The following CAMTA1 variants were observed in gnomAD, a reference collection of about 807,000 sequenced individuals.
The protein encoded by CAMTA1 is calmodulin-binding transcription activator 1.
CAMTA1 carries 27 observed loss-of-function variants against 170.9 expected under a neutral mutation model. The ratio of observed to expected loss-of-function variants is 0.16; its 90% confidence interval spans 0.12 to 0.22. The LOEUF (loss-of-function observed/expected upper bound fraction) is 0.22, where lower values mean the gene tolerates loss of function less well. Ranked by LOEUF, CAMTA1 falls within the 10% of genes least tolerant of loss-of-function variation. CAMTA1 has a pLI of 1.00. For synonymous variants in CAMTA1, 833 were observed against 891.5 expected (o/e 0.93, Z 1.17); for missense variants, 1,619 against 2,217.2 (o/e 0.73, Z 5.42).
intron 5 of CAMTA1, among the ~76,000 whole-genome samples, chr1:7,331,274 C>T (rs2083017590): frequency 6.6e-6 from 1 of 152,116 alleles, no homozygotes; most frequent in South Asian, 2.1e-4. Flanking sequence ...AGTGAGGTCC[C>T]CCATGCCAGA....
intron 11 of CAMTA1, among the ~76,000 whole-genome samples, chr1:7,716,665 C>G (rs2096612197): frequency 6.6e-6 from 1 of 152,072 alleles, no homozygotes; most frequent in African/African-American, 2.4e-5. Context: ...AGATGGTCCC[C>G]CTAGAGTTAG....
At chr1:7,139,431 G>C (rs868581450) in intron 4 of CAMTA1, among the ~76,000 whole-genome samples, 17 of 151,242 alleles carry the variant, frequency 1.1e-4, no homozygotes, top group Middle Eastern at 3.4e-3. Context: ...AACCCTCTCC[G>C]AGGCTGTGGT....
intron 3 of CAMTA1, among the ~76,000 whole-genome samples, chr1:7,045,544 A>T (rs1705241099): frequency 2.0e-5 from 3 of 152,212 alleles, no homozygotes; most frequent in Non-Finnish European, 4.4e-5. Context: ...TTGAAAGATT[A>T]TTTTTATTCC....
At chr1:7,252,671 C>T (rs149051737) in intron 5 of CAMTA1, among the ~76,000 whole-genome samples, 4 of 152,328 alleles carry the variant, frequency 2.6e-5, no homozygotes, top group South Asian at 4.1e-4. Context: ...ATCTTCATCA[C>T]GTCAGGCACG....
At chr1:7,408,501 G>A (rs373250484) in intron 5 of CAMTA1, among the ~76,000 whole-genome samples, 4 of 152,182 alleles carry the variant, frequency 2.6e-5, no homozygotes, top group East Asian at 1.9e-4. Flanking sequence ...GTCCTGAGCC[G>A]CTTGGCCACT....
chr1:7,050,108 C>T lies in CAMTA1; in HGVS notation c.235-41196C>T, dbSNP rs746338865. Among the ~76,000 whole-genome samples the T allele has an allele frequency of 3.3e-5, 5 of 152,118 alleles. No homozygotes were observed. Among genetic ancestry groups the T allele is most frequent in the African/African-American group, 4.8e-5 (2 of 41,418 alleles). On this transcript the variant is annotated intron_variant, in intron 3 of 22. Coordinates refer to ENST00000303635, the MANE Select transcript of CAMTA1 (RefSeq NM_015215.4). The surrounding 1 kb of genome is among the most constrained non-coding windows in gnomAD (Gnocchi z 4.8). ...GCACTGGGAGTGTTTGAAGGTCAGC[C>T]GGGAGACTGCGAGGCAGGAGCTGGT...
At chr1:7,098,205 T>C (rs1642316510) in intron 4 of CAMTA1, among the ~76,000 whole-genome samples, 1 of 152,154 alleles carries the variant, frequency 6.6e-6, no homozygotes, top group Non-Finnish European at 1.5e-5. Context: ...CAGTTTTAGA[T>C]TTAGAGCATT....
intron 6 of CAMTA1, among the ~76,000 whole-genome samples, chr1:7,552,306 A>G (rs1223431319): frequency 6.6e-6 from 1 of 152,176 alleles, no homozygotes; most frequent in Non-Finnish European, 1.5e-5. Flanking sequence ...CCCGGACCTC[A>G]CTCAGCCCCT....
intron 6 of CAMTA1, among the ~76,000 whole-genome samples, chr1:7,533,689 G>T (rs1340332760): frequency 2.0e-5 from 3 of 152,144 alleles, no homozygotes; most frequent in African/African-American, 4.8e-5. Flanking sequence ...GAAGTGGGCA[G>T]ATCACTTGAG....
At chr1:6,788,818 CT>C (rs1239625967) in intron 1 of CAMTA1, among the ~76,000 whole-genome samples, 1 of 152,046 alleles carries the variant, frequency 6.6e-6, no homozygotes, top group African/African-American at 2.4e-5. Context: ...AAGCTGGGCC[CT>C]TTTTCTTGAG....
chr1:7,599,525 T>C (rs2095424818), intron 6 of CAMTA1, among the ~76,000 whole-genome samples: 1 of 152,178 alleles, frequency 6.6e-6, no homozygotes, highest in Admixed American at 6.5e-5. Context: ...ATAAATTACC[T>C]TGGGGAGTAT....
chr1:6,837,540 G>A (rs999818685), intron 3 of CAMTA1, among the ~76,000 whole-genome samples: 1 of 152,138 alleles, frequency 6.6e-6, no homozygotes, highest in Non-Finnish European at 1.5e-5. Flanking sequence ...CTGAGAAAGG[G>A]TACATTAAAA....
intron 4 of CAMTA1, among the ~76,000 whole-genome samples, chr1:7,116,792 C>A (rs188687630): frequency 0.016 from 2,484 of 150,860 alleles, 33 homozygotes; most frequent in Non-Finnish European, 0.023. Flanking sequence ...GGACTACAGG[C>A]GCCTGCCACC....
At chr1:7,438,766 C>T (rs1162105068) in intron 5 of CAMTA1, among the ~76,000 whole-genome samples, 1 of 152,184 alleles carries the variant, frequency 6.6e-6, no homozygotes, top group African/African-American at 2.4e-5. Context: ...CCTGGTGGAG[C>T]AGAAAGAGCA....
intron 5 of CAMTA1, among the ~76,000 whole-genome samples, chr1:7,370,929 T>TTTTTTTC (rs2086401074): frequency 7.0e-6 from 1 of 143,748 alleles, no homozygotes; most frequent in African/African-American, 2.5e-5. Context: ...TTTTTTTTTT[T>TTTTTTTC]GAGACGGAGT....
At chr1:7,174,549 C>T (rs575795123) in intron 4 of CAMTA1, among the ~76,000 whole-genome samples, 20 of 152,294 alleles carry the variant, frequency 1.3e-4, no homozygotes, top group South Asian at 4.1e-4. Flanking sequence ...AGCCACGATT[C>T]GGGAGCTGAG....
intron 3 of CAMTA1, among the ~76,000 whole-genome samples, chr1:6,946,165 ATAT>A (rs2149452692): frequency 6.6e-6 from 1 of 150,614 alleles, no homozygotes; most frequent in African/African-American, 2.4e-5. Flanking sequence ...TCCTCAGGTG[ATAT>A]TATTGTCTTT....
At chr1:7,493,533 G>T (rs2093773270) in intron 6 of CAMTA1, among the ~76,000 whole-genome samples, 1 of 152,004 alleles carries the variant, frequency 6.6e-6, no homozygotes, top group African/African-American at 2.4e-5. Flanking sequence ...GCACACATAA[G>T]AAAGTGCCAA....
intron 7 of CAMTA1, among the ~76,000 whole-genome samples, chr1:7,647,413 A>G (rs972056262): frequency 1.2e-4 from 19 of 152,062 alleles, no homozygotes; most frequent in Admixed American, 1.0e-3. Context: ...GACCAGCGCC[A>G]CCTGGTGGCC....
Sources: gnomAD v4.1 joint callset for allele counts (sites outside exome capture counted in the v4.1 genomes callset) on GRCh38, gnomAD v4.1.1 for gene constraint, Gnocchi (gnomAD v3.1) non-coding constraint, MANE v1.5 for transcripts, NCBI Gene and HGNC (gene_info 2026-07-23, HGNC 2026-07-21) for gene names.